SLAMF6: variants seen among roughly 807,000 people sequenced by gnomAD.
The protein encoded by SLAMF6 is NK-T-B-antigen.
SLAMF6 carries 21 observed loss-of-function variants against 38.3 expected under a neutral mutation model. The observed-to-expected ratio is 0.55, with a 90% CI of 0.39 to 0.79. SLAMF6 has a LOEUF of 0.79. SLAMF6 is among the 30% of genes least tolerant of loss of function. The pLI is 0.00. For synonymous variants in SLAMF6, 152 were observed against 146.3 expected, an observed-to-expected ratio of 1.04 and a Z score of -0.28; for missense variants, 341 against 385.3, an observed-to-expected ratio of 0.89 and a Z score of 0.96.
chr1:160,517,529 C>G, intron 1 of SLAMF6, among the ~76,000 whole-genome samples: 1 of 152,106 alleles, frequency 6.6e-6, no homozygotes, highest in East Asian at 1.9e-4. Flanking sequence ...ATATAAATCG[C>G]TCTGTTACAA....
At chr1:160,488,114 C>CA (rs1321592129) in intron 6 of SLAMF6, among the ~76,000 whole-genome samples, 1 of 147,592 alleles carries the variant, frequency 6.8e-6, no homozygotes, top group South Asian at 2.1e-4. Context: ...AACCAAAAAA[C>CA]AAAAAACAAA....
chr1:160,487,918 C>T (rs969427163), intron 6 of SLAMF6, among the ~76,000 whole-genome samples: 10 of 152,042 alleles, frequency 6.6e-5, no homozygotes, highest in Middle Eastern at 3.4e-3. Flanking sequence ...GGTGAAACCC[C>T]GTCTCTACAA....
intron 1 of SLAMF6, among the ~76,000 whole-genome samples, chr1:160,498,609 C>T (rs1653720699): frequency 6.6e-6 from 1 of 152,190 alleles, no homozygotes; most frequent in Non-Finnish European, 1.5e-5. Context: ...ATTCAATTAC[C>T]TCCTACCAGG....
chr1:160,504,444 C>T (rs557041807), intron 1 of SLAMF6, among the ~76,000 whole-genome samples: 19 of 152,230 alleles, frequency 1.2e-4, no homozygotes, highest in East Asian at 3.9e-4. Flanking sequence ...GCCCTTTCCC[C>T]GATCTTTTTT....
intron 2 of SLAMF6, among the ~76,000 whole-genome samples, chr1:160,493,864 G>A (rs938637577): frequency 5.3e-5 from 8 of 152,084 alleles, no homozygotes; most frequent in African/African-American, 1.9e-4. Flanking sequence ...GAGAGAGAGA[G>A]AAAGGGCAAG....
chr1:160,512,276 A>C (rs567260836), intron 1 of SLAMF6, among the ~76,000 whole-genome samples: 1 of 152,066 alleles, frequency 6.6e-6, no homozygotes, highest in Non-Finnish European at 1.5e-5. Context: ...CTGGACCCAG[A>C]CTCATCCCTC....
At position 160,503,608 on chromosome 1, in the gene SLAMF6, G is replaced by A. The variant is rs895227620; in HGVS notation, c.50-7215C>T. Among the ~76,000 whole-genome samples, 6 of 152,158 alleles carry A rather than the reference G, an allele frequency of 3.9e-5. No individual in the cohort carries two copies. The East Asian group carries it at 1.2e-3, about 29-fold the overall frequency. ...GAATGGTGACTACTTTGTTGAAATT[G>A]CTGGCCTAAAGTCTGAGGGTCAGTG... On this transcript the variant is annotated intron_variant, in intron 1 of 7. Coordinates refer to ENST00000368057, the MANE Select transcript of SLAMF6 (RefSeq NM_001184714.2).
chr1:160,521,959 G>A (rs1033297567), intron 1 of SLAMF6, among the ~76,000 whole-genome samples: 1 of 152,076 alleles, frequency 6.6e-6, no homozygotes, highest in African/African-American at 2.4e-5. Flanking sequence ...TTAACTCCAT[G>A]AGGGCAGGAA....
rs150018140 is a variant in SLAMF6 at position 160,504,730 on chromosome 1, G to A, written c.50-8337C>T. Among the ~76,000 whole-genome samples, 26 of 152,306 alleles carry A rather than the reference G, an allele frequency of 1.7e-4. No homozygotes were observed. The East Asian group carries it at 4.8e-3, about 28-fold the overall frequency. ...TCAATACCTGGGGCAAAACATTATA[G>A]TGGAGGCAAAAAATAGATATGTCGA... On this transcript the variant is annotated intron_variant, in intron 1 of 7. Coordinates refer to ENST00000368057, the MANE Select transcript of SLAMF6 (RefSeq NM_001184714.2).
chr1:160,495,915 A>G, intron 2 of SLAMF6, 146 bp downstream of exon 2: 1 of 703,378 alleles, frequency 1.4e-6, no homozygotes, highest in Non-Finnish European at 2.4e-6. Flanking sequence ...CTGGCTTTGC[A>G]GTGTCATTGT....
At chr1:160,499,794 C>T (rs948629678) in intron 1 of SLAMF6, among the ~76,000 whole-genome samples, 1 of 152,176 alleles carries the variant, frequency 6.6e-6, no homozygotes, top group Non-Finnish European at 1.5e-5. Flanking sequence ...CCTGGGTGAG[C>T]TTGCACTTCC....
chr1:160,505,774 G>T (rs1282021726), intron 1 of SLAMF6, among the ~76,000 whole-genome samples: 1 of 152,076 alleles, frequency 6.6e-6, no homozygotes, highest in East Asian at 1.9e-4. Context: ...TCAAGAAAAG[G>T]ATATATAAAG....
At chr1:160,517,055 T>C (rs1323499702) in intron 1 of SLAMF6, among the ~76,000 whole-genome samples, 1 of 152,106 alleles carries the variant, frequency 6.6e-6, no homozygotes, top group African/African-American at 2.4e-5. Context: ...GAAGAAACTA[T>C]TATCAGAGCC....
chr1:160,490,813 T>G (rs953871916), intron 3 of SLAMF6, 128 bp from the exon 4 acceptor site: 1 of 1,422,898 alleles, frequency 7.0e-7, no homozygotes, highest in Non-Finnish European at 9.3e-7. Context: ...CCGGAGGCTC[T>G]GGGGTGGGAG....
At position 160,486,755 on chromosome 1, in the gene SLAMF6, CTG is replaced by C. The variant is rs767208048; in HGVS notation, c.952-3_952-2del. On this transcript the variant is annotated splice_acceptor_variant and splice_polypyrimidine_tract_variant and intron_variant, in intron 7 of 7. Transcript: ENST00000368057. LOFTEE classifies it high-confidence loss of function. The stretch of plus-strand genomic sequence containing the variant: ...TTGCCCTGGAAAAAGTGGGTTTACT[CTG>C]TGGGAAAAAGAGGAAGATGAGGTAG... 2 of 1,613,810 alleles carry C rather than the reference CTG, an allele frequency of 1.2e-6. No individual in the cohort carries two copies. The highest frequency in any genetic ancestry group is 2.2e-5 in the South Asian group (2 of 91,058).
At chr1:160,500,832 T>C (rs116186262) in intron 1 of SLAMF6, among the ~76,000 whole-genome samples, 162 of 152,258 alleles carry the variant, frequency 1.1e-3, no homozygotes, top group African/African-American at 3.8e-3. Flanking sequence ...CAGTTCCTTT[T>C]GGTAGGGAGT....
chr1:160,511,220 TTC>T (rs1488779304), intron 1 of SLAMF6, among the ~76,000 whole-genome samples: 5 of 152,286 alleles, frequency 3.3e-5, no homozygotes, highest in African/African-American at 1.2e-4. Flanking sequence ...GAAAAGCTAA[TTC>T]TCAAATTTAT....
intron 1 of SLAMF6, among the ~76,000 whole-genome samples, chr1:160,508,308 T>G (rs753684487): frequency 3.3e-5 from 5 of 151,958 alleles, no homozygotes; most frequent in African/African-American, 7.2e-5. Context: ...TACCAAAACA[T>G]ATATATAGAT....
chr1:160,490,848 T>G (rs1571282107), intron 3 of SLAMF6, 163 bp from the exon 4 acceptor site: 1 of 668,478 alleles, frequency 1.5e-6, no homozygotes, highest in Non-Finnish European at 1.8e-6. Flanking sequence ...CAGGGGAGGG[T>G]GGGGCCCAGT....
Sources: allele counts gnomAD v4.1 joint callset (sites outside exome capture counted in the v4.1 genomes callset), GRCh38; gene constraint gnomAD v4.1.1; transcripts MANE v1.5; gene names NCBI Gene and HGNC (gene_info 2026-07-23, HGNC 2026-07-21).